The following RASGRF2 variants were observed in gnomAD, a reference collection of about 807,000 sequenced individuals.
RASGRF2 encodes Ras protein specific guanine nucleotide releasing factor 2.
Under a neutral mutation model 151.0 loss-of-function variants are expected in RASGRF2, and 76 were observed. The ratio of observed to expected loss-of-function variants is 0.50; its 90% CI spans 0.42 to 0.61. The LOEUF (loss-of-function observed/expected upper bound fraction) is 0.61, where lower values mean the gene tolerates loss of function less well. RASGRF2 is among the 20% of genes least tolerant of loss of function. The probability of loss-of-function intolerance (pLI) is 0.00; values close to 1 mark genes in which losing one functional copy is unlikely to be tolerated. For missense variants in RASGRF2, 1,148 were observed against 1,564.6 expected, an observed-to-expected ratio of 0.73 and a Z score of 4.49; for synonymous variants, 504 against 566.5, an observed-to-expected ratio of 0.89 and a Z score of 1.57.
At chr5:81,161,260 A>G (rs1351626891) in intron 17 of RASGRF2, among the ~76,000 whole-genome samples, 1 of 152,158 alleles carries the variant, frequency 6.6e-6, no homozygotes, top group South Asian at 2.1e-4. Context: ...CACCTTAGCA[A>G]GACAGTAAGT....
At chr5:81,169,326 TA>T (rs1299960206) in intron 17 of RASGRF2, among the ~76,000 whole-genome samples, 3 of 152,140 alleles carry the variant, frequency 2.0e-5, no homozygotes, top group African/African-American at 2.4e-5. Context: ...TCTGGGTGGC[TA>T]AAAAAACAAC....
At chr5:81,061,071 A>G (rs950033602) in intron 2 of RASGRF2, among the ~76,000 whole-genome samples, 1 of 152,096 alleles carries the variant, frequency 6.6e-6, no homozygotes, top group African/African-American at 2.4e-5. Context: ...TTTATTTATC[A>G]ATAAATCTTG....
At chr5:80,998,189 A>T (rs1748957256) in intron 1 of RASGRF2, 1 of 152,154 alleles carries the variant, frequency 6.6e-6, no homozygotes, top group South Asian at 2.1e-4. Context: ...TTGTGTGCAT[A>T]GGGCTGGAGT....
chr5:80,986,286 T>G (rs1042048084), intron 1 of RASGRF2, among the ~76,000 whole-genome samples: 4 of 152,348 alleles, frequency 2.6e-5, no homozygotes, highest in African/African-American at 9.6e-5. Context: ...TTCATGGAGT[T>G]AAATGCTACC....
chr5:81,145,385 T>G (rs756665349), intron 17 of RASGRF2, among the ~76,000 whole-genome samples: 12 of 152,176 alleles, frequency 7.9e-5, no homozygotes, highest in Non-Finnish European at 1.2e-4. Flanking sequence ...CATGAACCTT[T>G]CTCTTGCATG....
At chr5:81,196,704 GC>G (rs1755273729) in intron 18 of RASGRF2, among the ~76,000 whole-genome samples, 1 of 141,898 alleles carries the variant, frequency 7.0e-6, no homozygotes, top group South Asian at 2.4e-4. Context: ...TTGACCCTCA[GC>G]ACGGTCTAAA....
chr5:80,980,432 G>A (rs1315060868), intron 1 of RASGRF2, among the ~76,000 whole-genome samples: 1 of 152,178 alleles, frequency 6.6e-6, no homozygotes, highest in Non-Finnish European at 1.5e-5. Flanking sequence ...TTGAGGTCAG[G>A]AGTTTGAGGC....
chr5:81,013,848 T>C (rs1391525636), intron 1 of RASGRF2, among the ~76,000 whole-genome samples: 1 of 152,152 alleles, frequency 6.6e-6, no homozygotes, highest in Non-Finnish European at 1.5e-5. Context: ...CATTTCCCCA[T>C]GTTCAATAAT....
intron 1 of RASGRF2, among the ~76,000 whole-genome samples, chr5:81,031,680 G>A (rs565353325): frequency 6.6e-6 from 1 of 152,236 alleles, no homozygotes; most frequent in African/African-American, 2.4e-5. Flanking sequence ...AGCACTAAAT[G>A]CCCACAAGAG....
chr5:81,134,642 A>T (rs564688128), intron 17 of RASGRF2, among the ~76,000 whole-genome samples: 1 of 152,360 alleles, frequency 6.6e-6, no homozygotes, highest in East Asian at 1.9e-4. Flanking sequence ...TTTGAGAAGC[A>T]GTGAACTAGT....
At chr5:81,137,511 T>A (rs540006854) in intron 17 of RASGRF2, among the ~76,000 whole-genome samples, 1 of 152,296 alleles carries the variant, frequency 6.6e-6, no homozygotes, top group Admixed American at 6.5e-5. Flanking sequence ...CTGCACTGTG[T>A]CCCCACTAAA....
chr5:81,038,181 T>C (rs1750564232), intron 1 of RASGRF2, among the ~76,000 whole-genome samples: 1 of 151,926 alleles, frequency 6.6e-6, no homozygotes, highest in Admixed American at 6.6e-5. Flanking sequence ...TGAATATGTT[T>C]ACTTGTACCA....
At chr5:81,157,317 C>T (rs1246664663) in intron 17 of RASGRF2, among the ~76,000 whole-genome samples, 1 of 148,236 alleles carries the variant, frequency 6.7e-6, no homozygotes, top group Non-Finnish European at 1.5e-5. Flanking sequence ...GATCGCGCCA[C>T]TGCACTCCAG....
rs1747502077 is a variant in RASGRF2, at chr5:80,960,375, G to T, written c.-364G>T. Among the ~76,000 whole-genome samples the T allele has an allele frequency of 6.6e-6, 1 of 151,058 alleles. No individual in the cohort carries two copies. The highest frequency in any genetic ancestry group is 1.5e-5 in the Non-Finnish European group (1 of 67,610). On this transcript the variant is annotated 5_prime_UTR_variant, in exon 1 of 27. Transcript: ENST00000265080. This position sits in a 1 kb window ranked among gnomAD's most constrained non-coding sequence, Gnocchi z 5.5. ...GTTGCCCGAGGACAGTCCTTCCCCGGCTGCCGCCCCAGCCCGCCGCGGGGG... is the reference window on the plus strand; with the variant it reads ...GTTGCCCGAGGACAGTCCTTCCCCGTCTGCCGCCCCAGCCCGCCGCGGGGG...
At chr5:81,121,757 C>T (rs1467057925) in intron 15 of RASGRF2, among the ~76,000 whole-genome samples, 2 of 152,148 alleles carry the variant, frequency 1.3e-5, no homozygotes, top group Non-Finnish European at 2.9e-5. Flanking sequence ...ATCCAGATTC[C>T]ACCCAGTGAT....
intron 19 of RASGRF2, among the ~76,000 whole-genome samples, chr5:81,202,409 A>G (rs1402717858): frequency 3.9e-5 from 6 of 152,266 alleles, no homozygotes; most frequent in Middle Eastern, 3.4e-3. Flanking sequence ...CAGGCAGTCT[A>G]TTTTAGCTCA....
intron 26 of RASGRF2, among the ~76,000 whole-genome samples, chr5:81,220,130 C>G (rs1306153447): frequency 6.6e-6 from 1 of 152,134 alleles, no homozygotes; most frequent in African/African-American, 2.4e-5. Context: ...TTCTGAAATG[C>G]AAAGTGGATT....
intron 12 of RASGRF2, among the ~76,000 whole-genome samples, chr5:81,106,473 C>T (rs1752850525): frequency 6.6e-6 from 1 of 152,196 alleles, no homozygotes; most frequent in Non-Finnish European, 1.5e-5. Flanking sequence ...CCCTCAGTGG[C>T]TTCCCATCTG....
chr5:81,207,018 A>G, intron 20 of RASGRF2, 113 bp downstream of exon 20: 1 of 967,764 alleles, frequency 1.0e-6, no homozygotes, highest in South Asian at 1.4e-5. Context: ...CCTCTGTCCT[A>G]TCTGTGAAGC....
Sources: gnomAD v4.1 joint callset for allele counts (sites outside exome capture counted in the v4.1 genomes callset) on GRCh38, gnomAD v4.1.1 for gene constraint, Gnocchi (gnomAD v3.1) non-coding constraint, MANE v1.5 for transcripts, NCBI Gene and HGNC (gene_info 2026-07-23, HGNC 2026-07-21) for gene names.